NGEF: variants seen among roughly 807,000 people sequenced by gnomAD.
The protein encoded by NGEF is ephexin-1.
A neutral mutation model predicts 80.9 loss-of-function variants in NGEF; 31 were observed. The observed-to-expected ratio is 0.38, with a 90% CI of 0.29 to 0.52. NGEF has a LOEUF of 0.52. Ranked by LOEUF, NGEF falls within the 20% of genes least tolerant of loss-of-function variation. The pLI, the probability that NGEF is intolerant of heterozygous loss-of-function variation, is 0.84. For missense variants in NGEF, 709 were observed against 926.2 expected (o/e 0.77, Z 3.04); for synonymous variants, 371 against 370.2 (o/e 1.00, Z -0.03).
rs567713636 is a variant in NGEF at position 232,904,184 on chromosome 2, C to T, written c.829-9268G>A. Among the ~76,000 whole-genome samples the T allele has an allele frequency of 6.6e-4, 100 of 152,204 alleles. 1 individual carries two copies. In the South Asian group the frequency reaches 0.02, roughly 30 times the overall value. On this transcript the variant is annotated intron_variant, in intron 5 of 14. Transcript: ENST00000264051. Reference sequence around the variant, plus strand: ...TGGGCATGGGGGGACCGAGCCACACCCCACAGCCTGGGCAGGCTGTGCATA... The same window carrying T: ...TGGGCATGGGGGGACCGAGCCACACTCCACAGCCTGGGCAGGCTGTGCATA...
intron 1 of NGEF, among the ~76,000 whole-genome samples, chr2:233,011,587 GAAAA>G (rs10606451): frequency 5.1e-5 from 7 of 138,246 alleles, no homozygotes; most frequent in Admixed American, 7.2e-5. Context: ...TTAAAGCAAT[GAAAA>G]AAAAAAAAAA....
At chr2:232,958,421 T>C (rs960403883) in intron 3 of NGEF, among the ~76,000 whole-genome samples, 6 of 152,198 alleles carry the variant, frequency 3.9e-5, no homozygotes, top group Non-Finnish European at 7.3e-5. Context: ...AAGAGGTCAG[T>C]GGTTGAGCTC....
intron 1 of NGEF, among the ~76,000 whole-genome samples, chr2:232,993,208 TTGCCCG>T (rs1694707421): frequency 1.1e-4 from 14 of 130,628 alleles, no homozygotes; most frequent in South Asian, 6.8e-4. Context: ...ATATATATAT[TTGCCCG>T]TATAGATACA....
chr2:232,898,654 C>T (rs1363622207), intron 5 of NGEF, among the ~76,000 whole-genome samples: 1 of 152,246 alleles, frequency 6.6e-6, no homozygotes, highest in Non-Finnish European at 1.5e-5. Context: ...GCTCTGCTCG[C>T]TCTTCATTCA....
chr2:232,986,781 CAT>C (rs1171328310), intron 1 of NGEF, among the ~76,000 whole-genome samples: 2 of 152,306 alleles, frequency 1.3e-5, no homozygotes, highest in African/African-American at 4.8e-5. Context: ...GGGGATCTAA[CAT>C]ATAGCACAGG....
At chr2:232,944,075 G>A (rs369050039) in intron 3 of NGEF, among the ~76,000 whole-genome samples, 5 of 151,614 alleles carry the variant, frequency 3.3e-5, no homozygotes, top group African/African-American at 1.2e-4. Flanking sequence ...TCTACTAAAA[G>A]TACAAAAATT....
intron 5 of NGEF, among the ~76,000 whole-genome samples, chr2:232,916,661 T>C (rs976306726): frequency 2.0e-5 from 3 of 152,150 alleles, no homozygotes; most frequent in Non-Finnish European, 4.4e-5. Flanking sequence ...CAAGATACAA[T>C]GTTTCACCCA....
intron 3 of NGEF, among the ~76,000 whole-genome samples, chr2:232,952,469 T>C (rs1693696463): frequency 6.6e-6 from 1 of 152,234 alleles, no homozygotes; most frequent in Non-Finnish European, 1.5e-5. Flanking sequence ...AGATGTGAGT[T>C]CCAGGATTTC....
chr2:232,984,812 C>T (rs951285328), intron 1 of NGEF, among the ~76,000 whole-genome samples: 1 of 152,102 alleles, frequency 6.6e-6, no homozygotes, highest in Non-Finnish European at 1.5e-5. Flanking sequence ...AAAAAAGCTG[C>T]GGATGATGGA....
chr2:232,928,823 C>A (rs183444905), intron 3 of NGEF, among the ~76,000 whole-genome samples: 41 of 152,326 alleles, frequency 2.7e-4, no homozygotes, highest in African/African-American at 9.9e-4. Flanking sequence ...CCTGGGTTGC[C>A]CTGCCCGGTG....
rs551578874 is a variant in NGEF, at chr2:232,887,364, G to A, written c.1347+669C>T. ...CTGCTGCAAACCTCTAGGAGGAGCC[G>A]TCTCTCTCTGAGGGTCAGGAGATGG... On this transcript the variant is annotated intron_variant, in intron 9 of 14. Transcript: ENST00000264051. Among the ~76,000 whole-genome samples the A allele has an allele frequency of 1.1e-3, 170 of 152,294 alleles. 1 individual carries two copies. In the Middle Eastern group the frequency reaches 0.017, roughly 15 times the overall value.
chr2:232,888,233 C>T, intron 8 of NGEF, 126 bp from the exon 9 acceptor site: 1 of 603,330 alleles, frequency 1.7e-6, no homozygotes, highest in Non-Finnish European at 3.0e-6. Flanking sequence ...CACACACACA[C>T]ACACGCACGC....
At chr2:232,946,504 A>G (rs1693561012) in intron 3 of NGEF, among the ~76,000 whole-genome samples, 1 of 152,222 alleles carries the variant, frequency 6.6e-6, no homozygotes, top group African/African-American at 2.4e-5. Flanking sequence ...TTGGATTGGA[A>G]TTAGGGTATT....
intron 5 of NGEF, among the ~76,000 whole-genome samples, chr2:232,896,693 T>G (rs998481041): frequency 1.2e-4 from 1 of 8,390 alleles, no homozygotes; most frequent in African/African-American, 4.9e-4. Flanking sequence ...GGGATGGGGG[T>G]GGGGGTAGGG....
chr2:232,900,039 C>CACATTCACTT (rs1692256261), intron 5 of NGEF, among the ~76,000 whole-genome samples: 9 of 92,342 alleles, frequency 9.7e-5, no homozygotes, highest in Admixed American at 2.3e-4. Context: ...CACATTCACT[C>CACATTCACTT]ACACACACAC....
Position 232,881,182 on chromosome 2 carries a change from C to T in NGEF, c.1906G>A (p.Ala636Thr), listed in dbSNP as rs757395688. 6 of 1,611,978 alleles carry T rather than the reference C, an allele frequency of 3.7e-6. No homozygotes were observed. The highest frequency in any genetic ancestry group is 1.1e-5 in the South Asian group (1 of 91,088). ...TTGTCCAGGATGTTGAGGATGTCGG[C>T]GAGCTCCAGCGTCAGCTCGTCTGGC... is the stretch of plus-strand genomic sequence containing the variant. ...QQPDELTLEL[A>T]DILNILDKTD... Residue 636 changes from alanine to threonine, a missense_variant, in exon 14 of 15, where the codon GCC becomes ACC. Ala to Thr is a moderately conservative substitution (Grantham distance 58). Transcript: ENST00000264051.
intron 3 of NGEF, chr2:232,928,211 G>A: frequency 1.0e-6 from 1 of 973,606 alleles, no homozygotes; most frequent in Non-Finnish European, 1.2e-6. Flanking sequence ...GAGGGAGGCG[G>A]GAGGGGCGCG....
chr2:232,974,918 G>A lies in NGEF; in HGVS notation c.-28C>T, dbSNP rs756566824. Reference sequence around the variant, plus strand: ...AAATAGAGCCAGATGTTTCTCAGCAGAACGACTGGAGGTCAATGACTTTCC... The same window carrying A: ...AAATAGAGCCAGATGTTTCTCAGCAAAACGACTGGAGGTCAATGACTTTCC... On this transcript the variant is annotated 5_prime_UTR_variant, in exon 2 of 15. Coordinates refer to ENST00000264051, the MANE Select transcript of NGEF (RefSeq NM_019850.3). 12 of 1,604,454 alleles carry A rather than the reference G, an allele frequency of 7.5e-6. No individual in the cohort carries two copies. The highest frequency in any genetic ancestry group is 1.0e-5 in the Non-Finnish European group (12 of 1,175,988).
intron 3 of NGEF, among the ~76,000 whole-genome samples, chr2:232,967,841 C>T (rs1694097611): frequency 6.6e-6 from 1 of 152,004 alleles, no homozygotes; most frequent in African/African-American, 2.4e-5. Context: ...AGTGCAGATA[C>T]AGGGGATACA....
Sources: allele counts gnomAD v4.1 joint callset (sites outside exome capture counted in the v4.1 genomes callset), GRCh38; gene constraint gnomAD v4.1.1; transcripts MANE v1.5; gene names NCBI Gene and HGNC (gene_info 2026-07-23, HGNC 2026-07-21).